ARID4B: variants seen among roughly 807,000 people sequenced by gnomAD.
ARID4B encodes the protein AT-rich interaction domain 4B.
ARID4B carries 26 observed loss-of-function variants against 147.5 expected under a neutral mutation model. That is an observed-to-expected ratio of 0.18 (90% confidence interval 0.13 to 0.24). The LOEUF is 0.24. ARID4B is among the 10% of genes least tolerant of loss of function. The pLI, the probability that ARID4B is intolerant of heterozygous loss-of-function variation, is 1.00. For synonymous variants in ARID4B, 512 were observed against 507.9 expected, an observed-to-expected ratio of 1.01 and a Z score of -0.11; for missense variants, 1,179 against 1,511.5, an observed-to-expected ratio of 0.78 and a Z score of 3.65.
chr1:235,251,198 T>A (rs1239787318), intron 6 of ARID4B, among the ~76,000 whole-genome samples: 2 of 148,678 alleles, frequency 1.3e-5, no homozygotes, highest in Non-Finnish European at 3.0e-5. Flanking sequence ...CTTAAAATCT[T>A]ACAGCAAAAA....
intron 2 of ARID4B, among the ~76,000 whole-genome samples, chr1:235,295,592 C>T (rs1190098534): frequency 2.0e-5 from 3 of 150,794 alleles, no homozygotes; most frequent in South Asian, 2.1e-4. Flanking sequence ...CAGGCGGATC[C>T]GGAGGTCAGG....
At chr1:235,236,833 A>AATACATATATATAT (rs1553299957) in intron 8 of ARID4B, among the ~76,000 whole-genome samples, 11 of 33,520 alleles carry the variant, frequency 3.3e-4, no homozygotes, top group African/African-American at 1.2e-3. Flanking sequence ...TTTTATAAAA[A>AATACATATATATAT]ATATATATAT....
At position 235,219,796 on chromosome 1, in the gene ARID4B, G is replaced by C; in HGVS notation, c.1580C>G (p.Ser527Cys). 3 of 1,594,716 alleles carry C rather than the reference G, an allele frequency of 1.9e-6. No individual in the cohort carries two copies. Among genetic ancestry groups the C allele is most frequent in the Non-Finnish European group, 2.6e-6 (3 of 1,174,622 alleles). ...KVEAEEEKAK[S>C]GDETNKEEDE... ...TAACCAAAAACAATTTTCTTACCCAGATTTTGCTTTTTCTTCCTCAGCTTC... is the reference window on the plus strand; with the variant it reads ...TAACCAAAAACAATTTTCTTACCCACATTTTGCTTTTTCTTCCTCAGCTTC... Residue 527 changes from serine (S) to cysteine (C), a missense_variant, in exon 16 of 24, where the codon TCT becomes TGT. Ser to Cys is a moderately radical substitution (Grantham distance 112, BLOSUM62 -1). Around this residue, in one of 10 missense-constraint regions of ARID4B, gnomAD observed 204 missense variants for 210.9 expected, o/e 0.97. Transcript: ENST00000264183.
chr1:235,206,679 T>C (rs746405120), intron 17 of ARID4B, among the ~76,000 whole-genome samples: 2 of 152,164 alleles, frequency 1.3e-5, no homozygotes, highest in Non-Finnish European at 2.9e-5. Flanking sequence ...ATCAACTGAC[T>C]GTAAAGCCAC....
chr1:235,280,708 G>A (rs962823389), intron 2 of ARID4B, among the ~76,000 whole-genome samples: 4 of 152,218 alleles, frequency 2.6e-5, no homozygotes, highest in Non-Finnish European at 5.9e-5. Context: ...TCAGCCACGC[G>A]CAGAGCCCAC....
At chr1:235,235,046 TG>T (rs1411980394) in intron 8 of ARID4B, among the ~76,000 whole-genome samples, 19 of 152,092 alleles carry the variant, frequency 1.2e-4, no homozygotes, top group East Asian at 1.9e-4. Context: ...GAGTGAGAGG[TG>T]GTGGCTTGGA....
chr1:235,167,951 T>C lies in ARID4B; in HGVS notation c.*574A>G, dbSNP rs1311513135. 1.0e-5 allele frequency: 2 copies of C among 196,756 alleles called. No individual in the cohort carries two copies. The highest frequency in any genetic ancestry group is 2.1e-5 in the Non-Finnish European group (2 of 94,660). The allele number at this position is 196,756 out of a possible 1,614,324, so 12.2% of individuals were successfully genotyped here. ...CAAACCTGTAAACATGTTCAGTCTTTTTTAAAGAGAATCTTTAATATTTGG... is the reference window on the plus strand; with the variant it reads ...CAAACCTGTAAACATGTTCAGTCTTCTTTAAAGAGAATCTTTAATATTTGG... On this transcript the variant is annotated 3_prime_UTR_variant, in exon 24 of 24. Transcript: ENST00000264183.
chr1:235,197,754 T>C (rs1054385267), intron 17 of ARID4B, among the ~76,000 whole-genome samples: 3 of 152,244 alleles, frequency 2.0e-5, no homozygotes, highest in Admixed American at 6.5e-5. Flanking sequence ...AAATATATGG[T>C]AAGTACTGGT....
At chr1:235,263,958 C>G (rs1211059709) in intron 2 of ARID4B, among the ~76,000 whole-genome samples, 1 of 151,714 alleles carries the variant, frequency 6.6e-6, no homozygotes, top group East Asian at 1.9e-4. Flanking sequence ...CGTGCCACTG[C>G]ACTCCAGCCT....
chr1:235,250,863 G>A (rs1230450218), intron 6 of ARID4B, among the ~76,000 whole-genome samples: 1 of 152,024 alleles, frequency 6.6e-6, no homozygotes, highest in Non-Finnish European at 1.5e-5. Flanking sequence ...CATTCCAACT[G>A]AAAATTCTCC....
At chr1:235,222,192 A>G (rs997688488) in intron 13 of ARID4B, among the ~76,000 whole-genome samples, 1 of 152,104 alleles carries the variant, frequency 6.6e-6, no homozygotes, top group Non-Finnish European at 1.5e-5. Flanking sequence ...GATTACAGGC[A>G]TGAGTCACCA....
chr1:235,188,181 G>C (rs1172856786), intron 19 of ARID4B, among the ~76,000 whole-genome samples: 1 of 151,850 alleles, frequency 6.6e-6, no homozygotes, highest in African/African-American at 2.4e-5. Context: ...CATATATATG[G>C]TATATAAATG....
chr1:235,265,791 G>C (rs930963948), intron 2 of ARID4B, among the ~76,000 whole-genome samples: 3 of 152,086 alleles, frequency 2.0e-5, no homozygotes, highest in Non-Finnish European at 2.9e-5. Flanking sequence ...CTTGGGCTAA[G>C]CCACTTAGCT....
At chr1:235,263,010 G>T (rs567455796) in intron 2 of ARID4B, among the ~76,000 whole-genome samples, 1 of 152,144 alleles carries the variant, frequency 6.6e-6, no homozygotes, top group South Asian at 2.1e-4. Context: ...GGAAATTTCA[G>T]TTCACTTTGT....
chr1:235,224,520 A>C (rs1667700340), intron 12 of ARID4B, among the ~76,000 whole-genome samples, 183 bp downstream of exon 12: 1 of 152,180 alleles, frequency 6.6e-6, no homozygotes, highest in African/African-American at 2.4e-5. Flanking sequence ...AAATGCTATC[A>C]AATTCCTCAT....
In ARID4B at chr1:235,226,256, A is replaced by T. The variant is rs373303908; in HGVS notation, c.898-1481T>A. On this transcript the variant is annotated intron_variant, in intron 11 of 23. Transcript: ENST00000264183. ...CACTTTAAGTATGAATACGAGTAAG[A>T]CAGCATTCCTAACTTTAAGGAACTT... Among the ~76,000 whole-genome samples the T allele has an allele frequency of 9.8e-5, 15 of 152,370 alleles. No homozygotes were observed. The East Asian group carries it at 1.9e-3, about 20-fold the overall frequency.
chr1:235,249,613 G>A (rs966954217), intron 6 of ARID4B, among the ~76,000 whole-genome samples: 6 of 151,774 alleles, frequency 4.0e-5, no homozygotes, highest in African/African-American at 1.5e-4. Context: ...GGCTAACAGA[G>A]TAAAACCCTG....
At chr1:235,232,131 A>G (rs1398918526) in intron 9 of ARID4B, among the ~76,000 whole-genome samples, 2 of 152,052 alleles carry the variant, frequency 1.3e-5, no homozygotes, top group Non-Finnish European at 2.9e-5. Flanking sequence ...TTAAAAAATA[A>G]AGGTTGAGCT....
At chr1:235,230,963 G>C (rs12753166) in intron 10 of ARID4B, 150 bp downstream of exon 10, 1 of 562,336 alleles carries the variant, frequency 1.8e-6, no homozygotes, top group East Asian at 3.4e-5. Flanking sequence ...AAGACACATG[G>C]GTTTATAAAA....
Sources: allele counts gnomAD v4.1 joint callset (sites outside exome capture counted in the v4.1 genomes callset), GRCh38; gene constraint gnomAD v4.1.1; regional missense constraint gnomAD v4.1.1; transcripts MANE v1.5; gene names NCBI Gene and HGNC (gene_info 2026-07-23, HGNC 2026-07-21).